Variants in CNOT2 observed in about 807,000 individuals in gnomAD.
The protein encoded by CNOT2 is CC chemokine receptor 4-negative regulator of transcription 2.
In CNOT2, 7 loss-of-function variants were observed where a neutral mutation model predicts 72.1. The ratio of observed to expected loss-of-function variants is 0.10; its 90% CI spans 0.06 to 0.18. The LOEUF is 0.18. CNOT2 is among the 10% of genes least tolerant of loss of function. CNOT2 has a pLI of 1.00. For missense variants in CNOT2, 345 were observed against 660.3 expected (o/e 0.52, Z 5.23); for synonymous variants, 196 against 225.6 (o/e 0.87, Z 1.17).
intron 1 of CNOT2, among the ~76,000 whole-genome samples, chr12:70,249,422 A>AT (rs1271903846): frequency 6.6e-6 from 1 of 151,892 alleles, no homozygotes; most frequent in Non-Finnish European, 1.5e-5. Context: ...CTTAGCATTT[A>AT]TGTTTATAAA....
At chr12:70,317,880 GAAA>G (rs111352351) in intron 3 of CNOT2, among the ~76,000 whole-genome samples, 1 of 148,776 alleles carries the variant, frequency 6.7e-6, no homozygotes, top group African/African-American at 2.5e-5. Context: ...TGAGAAAATA[GAAA>G]AAAAAACAAA....
At chr12:70,320,984 T>C (rs796899560) in intron 4 of CNOT2, among the ~76,000 whole-genome samples, 11 of 152,020 alleles carry the variant, frequency 7.2e-5, no homozygotes, top group African/African-American at 2.4e-4. Context: ...ATTTATGTTT[T>C]TGTTTTTAAG....
At chr12:70,320,977 T>G (rs1350600236) in intron 4 of CNOT2, among the ~76,000 whole-genome samples, 1 of 151,894 alleles carries the variant, frequency 6.6e-6, no homozygotes. Context: ...GACAGACATT[T>G]ATGTTTTTGT....
intron 3 of CNOT2, among the ~76,000 whole-genome samples, chr12:70,313,843 G>A (rs1876878068): frequency 6.6e-6 from 1 of 152,006 alleles, no homozygotes; most frequent in Non-Finnish European, 1.5e-5. Context: ...ATTAATTTAT[G>A]GCTAATTAAA....
At chr12:70,258,379 T>A (rs182479846) in intron 1 of CNOT2, among the ~76,000 whole-genome samples, 31 of 152,344 alleles carry the variant, frequency 2.0e-4, no homozygotes, top group Non-Finnish European at 3.5e-4. Context: ...TAGGTTAAGA[T>A]GTTATGTTAA....
intron 1 of CNOT2, among the ~76,000 whole-genome samples, chr12:70,250,302 C>T (rs1958078662): frequency 6.6e-6 from 1 of 152,128 alleles, no homozygotes; most frequent in South Asian, 2.1e-4. Flanking sequence ...TTTCTATTCC[C>T]TGCACATGCA....
intron 1 of CNOT2, among the ~76,000 whole-genome samples, chr12:70,268,269 T>A (rs1959144532): frequency 6.6e-6 from 1 of 152,158 alleles, no homozygotes; most frequent in Admixed American, 6.5e-5. Flanking sequence ...CGGTAGCAAT[T>A]AGCTAGAGTA....
Position 70,246,815 on chromosome 12 carries a change from C to T in CNOT2, c.-96+3335C>T, listed in dbSNP as rs116029006. Among the ~76,000 whole-genome samples the T allele has an allele frequency of 7.9e-3, 1,195 of 152,212 alleles. 21 individuals are homozygous for T. Among genetic ancestry groups the T allele is most frequent in the African/African-American group, 0.028 (1,142 of 41,522 alleles). ...TGGTTTGTTCATTTATTTTCTTTGT[C>T]TATACTATTAGGAATGTCCTGGAAA... On this transcript the variant is annotated intron_variant, in intron 1 of 15. Transcript: ENST00000229195.
chr12:70,346,427 GC>G, intron 15 of CNOT2, 103 bp downstream of exon 15: 1 of 890,742 alleles, frequency 1.1e-6, no homozygotes, highest in Non-Finnish European at 1.7e-6. Flanking sequence ...CCAGTAATGT[GC>G]CACATATTTG....
At chr12:70,289,083 CTTCT>C (rs1038817081) in intron 2 of CNOT2, among the ~76,000 whole-genome samples, 13 of 150,188 alleles carry the variant, frequency 8.7e-5, no homozygotes, top group Non-Finnish European at 1.3e-4. Flanking sequence ...TCTTTCTTCC[CTTCT>C]TTCTTCATAA....
chr12:70,290,140 T>G (rs1010865605), intron 2 of CNOT2, among the ~76,000 whole-genome samples: 2 of 152,138 alleles, frequency 1.3e-5, no homozygotes, highest in African/African-American at 4.8e-5. Flanking sequence ...TAAATTATGT[T>G]TTTCTACTCT....
At chr12:70,335,221 A>T (rs893540754) in intron 7 of CNOT2, 3 of 400,870 alleles carry the variant, frequency 7.5e-6, no homozygotes, top group East Asian at 4.1e-5. Context: ...GGTTTCTATT[A>T]TGCTGGTTGC....
intron 2 of CNOT2, among the ~76,000 whole-genome samples, chr12:70,283,212 G>C (rs1870179862): frequency 6.6e-6 from 1 of 152,044 alleles, no homozygotes; most frequent in Admixed American, 6.6e-5. Flanking sequence ...AGTCATAGTT[G>C]TGACAAACAG....
chr12:70,304,233 C>T (rs928875610), intron 2 of CNOT2, among the ~76,000 whole-genome samples: 3 of 152,152 alleles, frequency 2.0e-5, no homozygotes, highest in Non-Finnish European at 4.4e-5. Flanking sequence ...AGCTTTGTTC[C>T]GTTGCTGGTG....
intron 11 of CNOT2, among the ~76,000 whole-genome samples, chr12:70,339,941 C>T (rs1881271886): frequency 6.6e-6 from 1 of 152,206 alleles, no homozygotes; most frequent in Admixed American, 6.5e-5. Context: ...ACTTACAACA[C>T]ATTTTCACAC....
At chr12:70,278,055 CAT>C in intron 1 of CNOT2, 75 bp from the exon 2 acceptor site, 1 of 512,300 alleles carries the variant, frequency 2.0e-6, no homozygotes, top group Non-Finnish European at 3.5e-6. Flanking sequence ...TTCTGTGTAT[CAT>C]ATTGAATATT....
intron 15 of CNOT2, among the ~76,000 whole-genome samples, chr12:70,352,383 C>T (rs1327175044): frequency 1.3e-5 from 2 of 152,122 alleles, no homozygotes; most frequent in Non-Finnish European, 2.9e-5. Context: ...TTAGCACATA[C>T]TAGGCTTTCA....
In CNOT2 at chr12:70,278,237, C is replaced by T. The variant is rs747074882; in HGVS notation, c.11C>T (p.Thr4Ile). 11 of 1,611,688 alleles carry T rather than the reference C, an allele frequency of 6.8e-6. No individual in the cohort carries two copies. The South Asian group carries it at 1.1e-4, about 16-fold the overall frequency. The change falls in exon 2 of 16, where the codon ACT becomes ATT. Residue 4 changes from threonine to isoleucine, a missense_variant. Thr to Ile is a moderately conservative substitution (Grantham distance 89). Around this residue, in one of 4 missense-constraint regions of CNOT2, gnomAD observed 157 missense variants for 235.3 expected, o/e 0.67. Coordinates refer to ENST00000229195, the MANE Select transcript of CNOT2 (RefSeq NM_014515.7). MVR[T>I]DGHTLSEKRN... Reference sequence around the variant, plus strand: ...AAAGGACACGACTCTATGGTGAGGACTGATGGACATACATTATCTGAGAAA... The same window carrying T: ...AAAGGACACGACTCTATGGTGAGGATTGATGGACATACATTATCTGAGAAA...
chr12:70,258,925 T>C (rs1190430979), intron 1 of CNOT2, among the ~76,000 whole-genome samples: 2 of 152,066 alleles, frequency 1.3e-5, no homozygotes, highest in Non-Finnish European at 2.9e-5. Context: ...GGCTAGAGTG[T>C]AGTGGGAAAG....
Sources: allele counts gnomAD v4.1 joint callset (sites outside exome capture counted in the v4.1 genomes callset), GRCh38; gene constraint gnomAD v4.1.1; regional missense constraint gnomAD v4.1.1; transcripts MANE v1.5; gene names NCBI Gene and HGNC (gene_info 2026-07-23, HGNC 2026-07-21).